The following EWSR1 variants were observed in gnomAD, a reference collection of about 807,000 sequenced individuals.
EWSR1 encodes the protein EWS RNA binding protein 1, also known as RNA-binding protein EWS.
Under a neutral mutation model 92.1 loss-of-function variants are expected in EWSR1, and 14 were observed. That is an observed-to-expected ratio of 0.15 (90% CI 0.10 to 0.24). The LOEUF (loss-of-function observed/expected upper bound fraction) is 0.24. Among genes scored for constraint, EWSR1 ranks in the 10% least tolerant of loss-of-function variants. EWSR1 has a pLI of 1.00. For missense variants in EWSR1, 637 were observed against 870.9 expected, an observed-to-expected ratio of 0.73 and a Z score of 3.38; for synonymous variants, 303 against 292.9, an observed-to-expected ratio of 1.03 and a Z score of -0.35.
At chr22:29,276,346 T>C (rs2059123512) in intron 4 of EWSR1, 3 of 228,496 alleles carry the variant, frequency 1.3e-5, no homozygotes, top group Non-Finnish European at 2.6e-5. Context: ...GCTTCCTGTT[T>C]TCTGGAACTA....
rs371953876 is a variant in EWSR1, at chr22:29,300,236, T to A, written c.*75T>A. 7.2e-7 allele frequency: 1 copy of A among 1,382,138 alleles called. No homozygotes were observed. Among genetic ancestry groups the A allele is most frequent in the South Asian group, 1.2e-5 (1 of 84,270 alleles). 85.6% of individuals were successfully genotyped at this position (1,382,138 alleles called of 1,614,324 possible). A position where few individuals can be genotyped will look rare whatever the true frequency, so the allele number is the denominator to read the frequency against. On this transcript the variant is annotated 3_prime_UTR_variant, in exon 17 of 17. Transcript: ENST00000397938. ...CCAGAAAATGTTTTAAATTTATAAT[T>A]CCATATTTATAATGTTGGCCACAAC...
At chr22:29,272,295 T>C in intron 2 of EWSR1, 43 bp downstream of exon 2, 1 of 1,612,458 alleles carries the variant, frequency 6.2e-7, no homozygotes, top group African/African-American at 1.3e-5. Context: ...GTGATTAATA[T>C]TTTTTGAATA....
rs2061268196 is a variant in EWSR1 at position 29,300,514 on chromosome 22, T to TATAAAG, written c.*355_*360dup. ...TTTTTTAAATAAAATTCCAAATGTT[T>TATAAAG]ATAAAGAGTCATCCTTCTCGGCCTC... On this transcript the variant is annotated 3_prime_UTR_variant, in exon 17 of 17. Transcript: ENST00000397938. 1 of 220,246 alleles carries TATAAAG rather than the reference T, an allele frequency of 4.5e-6. No homozygotes were observed. The highest frequency in any genetic ancestry group is 9.0e-6 in the Non-Finnish European group (1 of 111,022). 13.6% of individuals were successfully genotyped at this position (220,246 alleles called of 1,614,324 possible). A position where few individuals can be genotyped will look rare whatever the true frequency, so the allele number is the denominator to read the frequency against.
chr22:29,272,576 A>C, intron 3 of EWSR1, 145 bp downstream of exon 3: 1 of 765,592 alleles, frequency 1.3e-6, no homozygotes, highest in Non-Finnish European at 2.1e-6. Flanking sequence ...TCACAGTGGG[A>C]GTGCGAAGGA....
At chr22:29,284,245 T>A (rs1030829151) in intron 6 of EWSR1, among the ~76,000 whole-genome samples, 6 of 151,406 alleles carry the variant, frequency 4.0e-5, no homozygotes, top group Admixed American at 1.3e-4. Flanking sequence ...GCTGGGATTA[T>A]GGGATTACAG....
At chr22:29,293,668 G>A (rs1029150636) in intron 11 of EWSR1, among the ~76,000 whole-genome samples, 4 of 152,168 alleles carry the variant, frequency 2.6e-5, no homozygotes, top group East Asian at 1.9e-4. Context: ...GGGTTCAAGC[G>A]ATTGTCCTGC....
At chr22:29,299,553 C>T (rs1187329978) in intron 15 of EWSR1, 46 bp from the exon 16 acceptor site, 2 of 1,546,212 alleles carry the variant, frequency 1.3e-6, no homozygotes, top group East Asian at 2.3e-5. Context: ...CACAGGGCCT[C>T]TGCAGCCACC....
Position 29,299,706 on chromosome 22 carries a change from AGAG to A in EWSR1, c.1788_1790del (p.Arg596_Gly597delinsSer), listed in dbSNP as rs1230351088. The A allele has an allele frequency of 6.2e-7, 1 of 1,612,572 alleles. No individual in the cohort carries two copies. On this transcript the variant is annotated inframe_deletion, in exon 16 of 17. Transcript: ENST00000397938. ...GTTCAGAGGTGGCCGTGGTGGAGAC[AGAG>A]GTGGCTTCCGTGGTGGCCGGGGCAT...
intron 1 of EWSR1, among the ~76,000 whole-genome samples, chr22:29,270,286 A>C (rs1034294879): frequency 2.6e-5 from 4 of 152,166 alleles, no homozygotes; most frequent in African/African-American, 9.7e-5. Flanking sequence ...TGCAACAAAG[A>C]ATTGGAATGC....
Position 29,272,399 on chromosome 22 carries a change from C to G in EWSR1, c.70C>G (p.Gln24Glu). The change falls in exon 3 of 17, where the codon CAG becomes GAG. Residue 24 changes from glutamine (Q) to glutamate (E), a missense_variant. Around this residue, in one of 5 missense-constraint regions of EWSR1, gnomAD observed 144 missense variants for 189.0 expected, o/e 0.76. Transcript: ENST00000397938. ...AQQGYSAYTA[Q>E]PTQGYAQTTQ... The stretch of plus-strand genomic sequence containing the variant: ...TTGCAGCTACAGTGCTTACACCGCC[C>G]AGCCCACTCAAGGATATGCACAGAC... 1 of 1,613,252 alleles carries G rather than the reference C, an allele frequency of 6.2e-7. No individual in the cohort carries two copies. The highest frequency in any genetic ancestry group is 8.5e-7 in the Non-Finnish European group (1 of 1,180,020).
chr22:29,268,525 C>T (rs1478922026), intron 1 of EWSR1, among the ~76,000 whole-genome samples, 176 bp downstream of exon 1: 2 of 152,060 alleles, frequency 1.3e-5, no homozygotes, highest in Admixed American at 6.5e-5. Context: ...CCCAACCGGG[C>T]GGGCCGGTTC....
intron 8 of EWSR1, chr22:29,291,309 T>C (rs888334538): frequency 2.4e-6 from 1 of 416,952 alleles, no homozygotes. Context: ...TTGCCAAGTA[T>C]TGCACTATTA....
At chr22:29,279,132 A>AGT (rs113678944) in intron 5 of EWSR1, among the ~76,000 whole-genome samples, 1,556 of 151,580 alleles carry the variant, frequency 0.01, 7 homozygotes, top group African/African-American at 0.019. Flanking sequence ...AGAGAGAGAG[A>AGT]GTGTGTGTGT....
At chr22:29,280,879 T>G (rs1490768028) in intron 5 of EWSR1, among the ~76,000 whole-genome samples, 2,917 of 101,280 alleles carry the variant, frequency 0.029, 484 homozygotes, top group African/African-American at 0.096. Context: ...TTTTTTTTTT[T>G]TTTTTTTTTT....
chr22:29,273,138 T>C (rs2058816945), intron 3 of EWSR1, among the ~76,000 whole-genome samples: 1 of 152,212 alleles, frequency 6.6e-6, no homozygotes, highest in Admixed American at 6.5e-5. Flanking sequence ...TGATTTTAAG[T>C]ATTATGGATG....
intron 8 of EWSR1, chr22:29,289,610 G>C: frequency 4.3e-6 from 1 of 231,698 alleles, no homozygotes; most frequent in Non-Finnish European, 8.5e-6. Context: ...TGTGTGTTCT[G>C]TCCCTATATA....
chr22:29,280,268 A>G (rs1192536072), intron 5 of EWSR1, among the ~76,000 whole-genome samples: 3 of 152,134 alleles, frequency 2.0e-5, no homozygotes, highest in African/African-American at 2.4e-5. Flanking sequence ...AGGTTTCACT[A>G]TGTTGGCCAG....
At chr22:29,279,507 G>C (rs1487416366) in intron 5 of EWSR1, among the ~76,000 whole-genome samples, 1 of 152,184 alleles carries the variant, frequency 6.6e-6, no homozygotes, top group African/African-American at 2.4e-5. Context: ...CCCATGACTG[G>C]TTAGCAGGTA....
chr22:29,276,150 CCCT>C, intron 4 of EWSR1: 1 of 230,776 alleles, frequency 4.3e-6, no homozygotes, highest in East Asian at 6.2e-5. Context: ...TTTTTAATTG[CCCT>C]CCTTGTAAAT....
Sources: gnomAD v4.1 joint callset for allele counts (sites outside exome capture counted in the v4.1 genomes callset) on GRCh38, gnomAD v4.1.1 for gene constraint, gnomAD v4.1.1 regional missense constraint, MANE v1.5 for transcripts, NCBI Gene and HGNC (gene_info 2026-07-23, HGNC 2026-07-21) for gene names.